Variants in LHFPL3 observed in about 807,000 individuals in gnomAD.
LHFPL3 encodes LHFPL tetraspan subfamily member 3, also known as LHFPL tetraspan subfamily member 3 protein.
A neutral mutation model predicts 19.3 loss-of-function variants in LHFPL3; 5 were observed. That is an observed-to-expected ratio of 0.26 (90% CI 0.14 to 0.54). LHFPL3 has a LOEUF of 0.54. Among genes scored for constraint, LHFPL3 ranks in the 20% least tolerant of loss-of-function variants. The pLI is 0.94. For missense variants in LHFPL3, 249 were observed against 307.4 expected (o/e 0.81, Z 1.42); for synonymous variants, 133 against 126.2 (o/e 1.05, Z -0.36).
intron 1 of LHFPL3, among the ~76,000 whole-genome samples, chr7:104,731,044 T>A (rs1213242683): frequency 1.3e-5 from 2 of 152,244 alleles, no homozygotes; most frequent in African/African-American, 2.4e-5. Context: ...TTGTCAAAGA[T>A]CAGATAGTTG....
intron 1 of LHFPL3, among the ~76,000 whole-genome samples, chr7:104,377,636 G>A (rs184758517): frequency 5.3e-5 from 8 of 152,268 alleles, no homozygotes; most frequent in Admixed American, 5.2e-4. Flanking sequence ...GCACCTGTGA[G>A]GAGCTGGCTC....
At chr7:104,546,841 A>G (rs1215021732) in intron 1 of LHFPL3, among the ~76,000 whole-genome samples, 1 of 152,236 alleles carries the variant, frequency 6.6e-6, no homozygotes, top group African/African-American at 2.4e-5. Context: ...ACTCTGAGCC[A>G]GTTTTCTCTT....
chr7:104,720,211 G>C (rs547236718), intron 1 of LHFPL3, among the ~76,000 whole-genome samples: 6 of 152,248 alleles, frequency 3.9e-5, no homozygotes, highest in Admixed American at 6.5e-5. Flanking sequence ...CAATGGAACA[G>C]AACAGAGGCT....
intron 1 of LHFPL3, among the ~76,000 whole-genome samples, chr7:104,720,904 A>C (rs1466852850): frequency 6.6e-6 from 1 of 152,188 alleles, no homozygotes; most frequent in Non-Finnish European, 1.5e-5. Context: ...GCTGGAGAGG[A>C]TGTGGAGAAA....
At chr7:104,698,194 A>G (rs1793032807) in intron 1 of LHFPL3, among the ~76,000 whole-genome samples, 2 of 152,208 alleles carry the variant, frequency 1.3e-5, no homozygotes, top group Admixed American at 1.3e-4. Context: ...ATCCTATTGC[A>G]TAAGAGTCAA....
At chr7:104,517,402 T>C (rs897441396) in intron 1 of LHFPL3, among the ~76,000 whole-genome samples, 2 of 120,140 alleles carry the variant, frequency 1.7e-5, no homozygotes, top group Non-Finnish European at 3.4e-5. Flanking sequence ...TTTATTAATA[T>C]GTTATATTAT....
At chr7:104,668,082 ATT>A in intron 1 of LHFPL3, 1 of 1,613,830 alleles carries the variant, frequency 6.2e-7, no homozygotes, top group South Asian at 1.1e-5. Flanking sequence ...AGAAGAGTCA[ATT>A]AAGGAATTCT....
At chr7:104,704,705 G>A (rs1238736040) in intron 1 of LHFPL3, among the ~76,000 whole-genome samples, 11 of 151,714 alleles carry the variant, frequency 7.3e-5, no homozygotes, top group Non-Finnish European at 1.2e-4. Flanking sequence ...GCGTGATCAC[G>A]GCTTACTACA....
chr7:104,847,393 T>G (rs1791332606), intron 2 of LHFPL3, among the ~76,000 whole-genome samples: 1 of 152,120 alleles, frequency 6.6e-6, no homozygotes. Context: ...TTCAGCAGAG[T>G]TTTGAGATAC....
At chr7:104,766,794 A>AT (rs1337792461) in intron 2 of LHFPL3, among the ~76,000 whole-genome samples, 1 of 152,064 alleles carries the variant, frequency 6.6e-6, no homozygotes, top group Non-Finnish European at 1.5e-5. Context: ...CACTCCCATT[A>AT]TTTTTCTCGT....
At chr7:104,385,930 A>G (rs1290359898) in intron 1 of LHFPL3, among the ~76,000 whole-genome samples, 3 of 152,148 alleles carry the variant, frequency 2.0e-5, no homozygotes, top group Non-Finnish European at 4.4e-5. Context: ...AAAAGCAATG[A>G]AAACATTGGC....
intron 1 of LHFPL3, among the ~76,000 whole-genome samples, chr7:104,437,605 C>T (rs946586998): frequency 1.3e-5 from 2 of 152,216 alleles, no homozygotes; most frequent in African/African-American, 4.8e-5. Flanking sequence ...AAAGTTCCTA[C>T]AAACCCCTTC....
At chr7:104,674,354 GTTTTTCTTTTTC>G (rs1206573836) in intron 1 of LHFPL3, among the ~76,000 whole-genome samples, 1 of 147,610 alleles carries the variant, frequency 6.8e-6, no homozygotes, top group Non-Finnish European at 1.5e-5. Context: ...GGGACTTCCT[GTTTTTCTTTTTC>G]TTTTTCTTTT....
intron 2 of LHFPL3, among the ~76,000 whole-genome samples, chr7:104,750,284 G>A (rs1423585321): frequency 6.6e-6 from 1 of 152,120 alleles, no homozygotes; most frequent in South Asian, 2.1e-4. Flanking sequence ...CCTTCAAACT[G>A]TTTTCCTCAA....
rs1791102488 is a variant in LHFPL3, at chr7:104,392,723, C to T, written c.445+63499C>T. On this transcript the variant is annotated intron_variant, in intron 1 of 2. Coordinates refer to ENST00000424859, the MANE Select transcript of LHFPL3 (RefSeq NM_199000.3). The stretch of plus-strand genomic sequence containing the variant: ...CATAAAATGAGTTAGGGAGGATTCC[C>T]TTTTTTTCTATTGATTGGAACAGTT... Among the ~76,000 whole-genome samples the T allele has an allele frequency of 2.6e-5, 4 of 152,218 alleles. No individual in the cohort carries two copies. In the Middle Eastern group the frequency reaches 0.01, roughly 388 times the overall value.
At chr7:104,372,527 G>T (rs980763868) in intron 1 of LHFPL3, among the ~76,000 whole-genome samples, 2 of 152,144 alleles carry the variant, frequency 1.3e-5, no homozygotes, top group East Asian at 3.8e-4. Flanking sequence ...CACTGAGGAG[G>T]CAATATGCTG....
At chr7:104,680,500 C>T (rs573071253) in intron 1 of LHFPL3, among the ~76,000 whole-genome samples, 30 of 152,128 alleles carry the variant, frequency 2.0e-4, no homozygotes, top group African/African-American at 5.3e-4. Context: ...TAACTTTTAC[C>T]GCCCAAAATA....
intron 1 of LHFPL3, among the ~76,000 whole-genome samples, chr7:104,418,871 T>C (rs1036750682): frequency 1.3e-5 from 2 of 152,234 alleles, no homozygotes; most frequent in Admixed American, 6.5e-5. Flanking sequence ...ATCCTTCTGC[T>C]GTGTCAGGCA....
intron 1 of LHFPL3, among the ~76,000 whole-genome samples, chr7:104,361,282 T>G (rs1790386819): frequency 6.6e-6 from 1 of 152,232 alleles, no homozygotes; most frequent in Admixed American, 6.5e-5. Context: ...TTGTTTCCAT[T>G]GTTTCAGGAG....
Sources: allele counts gnomAD v4.1 joint callset (sites outside exome capture counted in the v4.1 genomes callset), GRCh38; gene constraint gnomAD v4.1.1; transcripts MANE v1.5; gene names NCBI Gene and HGNC (gene_info 2026-07-23, HGNC 2026-07-21).